Variants in SPAG9 observed in about 807,000 individuals in gnomAD.
SPAG9 encodes the protein sperm associated antigen 9.
In SPAG9, 35 loss-of-function variants were observed where a neutral mutation model predicts 166.5. The ratio of observed to expected loss-of-function variants is 0.21; its 90% CI spans 0.16 to 0.28. The LOEUF (loss-of-function observed/expected upper bound fraction) is 0.28, where lower values mean the gene tolerates loss of function less well. Among genes scored for constraint, SPAG9 ranks in the 10% least tolerant of loss-of-function variants. The pLI is 1.00. For synonymous variants in SPAG9, 534 were observed against 565.5 expected, an observed-to-expected ratio of 0.94 and a Z score of 0.79; for missense variants, 1,235 against 1,603.3, an observed-to-expected ratio of 0.77 and a Z score of 3.92.
intron 3 of SPAG9, among the ~76,000 whole-genome samples, chr17:51,053,710 CGTGT>C (rs1160371819): frequency 2.0e-5 from 3 of 149,210 alleles, no homozygotes; most frequent in African/African-American, 7.4e-5. Context: ...TTGGCATGCA[CGTGT>C]GTGGTCCCAG....
intron 1 of SPAG9, among the ~76,000 whole-genome samples, chr17:51,081,191 C>CA (rs2048153238): frequency 1.3e-5 from 2 of 152,116 alleles, no homozygotes; most frequent in African/African-American, 4.8e-5. Flanking sequence ...TTCTTACTTC[C>CA]ACCCTAATCC....
rs752079944 is a variant in SPAG9, at chr17:50,996,595, A to G, written c.1938T>C (p.Phe646=). Residue 646 remains phenylalanine, a synonymous_variant, in exon 16 of 30, where the codon TTT becomes TTC. Transcript: ENST00000262013. ...TGTACTTCTGAGGCAGACTCCAGCCAAAAGCCTGCACTCTACCGTCTTCCT... is the reference window on the plus strand; with the variant it reads ...TGTACTTCTGAGGCAGACTCCAGCCGAAAGCCTGCACTCTACCGTCTTCCT... ...VQKEDGRVQA[F]GWSLPQKYKQ... The G allele has an allele frequency of 6.2e-7, 1 of 1,614,170 alleles. No homozygotes were observed.
intron 1 of SPAG9, among the ~76,000 whole-genome samples, chr17:51,106,930 C>T (rs1308155062): frequency 6.6e-6 from 1 of 151,562 alleles, no homozygotes; most frequent in Non-Finnish European, 1.5e-5. Context: ...GGTGAAACCC[C>T]GTCTCTACTA....
intron 27 of SPAG9, chr17:50,975,206 C>A: frequency 2.4e-5 from 8 of 339,488 alleles, no homozygotes; most frequent in Non-Finnish European, 3.7e-5. Flanking sequence ...CACATCTATT[C>A]ATTTAAAAAA....
chr17:50,995,555 G>A, intron 16 of SPAG9, 22 bp from the exon 17 acceptor site: 1 of 1,450,356 alleles, frequency 6.9e-7, no homozygotes, highest in South Asian at 1.1e-5. Context: ...GGAAGGAGGA[G>A]TGAAAAAGGC....
At chr17:51,045,144 C>A (rs1048231221) in intron 4 of SPAG9, among the ~76,000 whole-genome samples, 2 of 152,180 alleles carry the variant, frequency 1.3e-5, no homozygotes, top group African/African-American at 4.8e-5. Flanking sequence ...CCTACGGCCA[C>A]GTGCAATAGA....
chr17:51,053,866 T>A (rs1467920051), intron 3 of SPAG9, among the ~76,000 whole-genome samples: 18 of 77,148 alleles, frequency 2.3e-4, no homozygotes, highest in African/African-American at 7.8e-4. Flanking sequence ...TATATATATA[T>A]ATATATATAT....
chr17:51,107,408 T>C (rs2048983557), intron 1 of SPAG9, among the ~76,000 whole-genome samples: 1 of 151,390 alleles, frequency 6.6e-6, no homozygotes, highest in Non-Finnish European at 1.5e-5. Flanking sequence ...ATTAATTTAA[T>C]TAAAACTGCA....
At chr17:51,006,388 A>G in intron 10 of SPAG9, 151 bp from the exon 11 acceptor site, 1 of 698,874 alleles carries the variant, frequency 1.4e-6, no homozygotes, top group Admixed American at 3.1e-5. Flanking sequence ...GATAAATGCA[A>G]AAAGAACACA....
intron 2 of SPAG9, among the ~76,000 whole-genome samples, chr17:51,059,722 T>C (rs1037698148): frequency 2.0e-5 from 3 of 151,956 alleles, no homozygotes; most frequent in East Asian, 1.9e-4. Flanking sequence ...TGAGACAAGA[T>C]TGCGCCACTG....
At chr17:50,975,906 A>G (rs1974170778) in intron 27 of SPAG9, 1 of 1,535,206 alleles carries the variant, frequency 6.5e-7, no homozygotes, top group Admixed American at 2.0e-5. Flanking sequence ...TTACGGCTAA[A>G]GTGAGAAAGG....
At chr17:51,070,239 C>T (rs2047786750) in intron 2 of SPAG9, among the ~76,000 whole-genome samples, 1 of 152,086 alleles carries the variant, frequency 6.6e-6, no homozygotes, top group Admixed American at 6.5e-5. Flanking sequence ...TCCAAGGAGC[C>T]TGAGGGCAAC....
intron 12 of SPAG9, among the ~76,000 whole-genome samples, 187 bp from the exon 13 acceptor site, chr17:51,002,032 T>C (rs962673836): frequency 6.6e-6 from 1 of 152,200 alleles, no homozygotes; most frequent in African/African-American, 2.4e-5. Context: ...AATATATTTT[T>C]TGAGACAGGG....
chr17:51,099,519 A>T (rs932330241), intron 1 of SPAG9, among the ~76,000 whole-genome samples: 1 of 151,808 alleles, frequency 6.6e-6, no homozygotes, highest in Non-Finnish European at 1.5e-5. Flanking sequence ...GCATGCAAAA[A>T]GTTTCAGATT....
At chr17:50,994,214 T>A (rs1298074397) in intron 18 of SPAG9, among the ~76,000 whole-genome samples, 1 of 152,160 alleles carries the variant, frequency 6.6e-6, no homozygotes, top group Admixed American at 6.5e-5. Context: ...TGATAGTGAA[T>A]AAGTCTCACG....
In SPAG9 at chr17:50,984,963, G is replaced by A; in HGVS notation, c.3048C>T (p.Ala1016=). Residue 1016 remains alanine, a synonymous_variant, in exon 24 of 30, where the codon GCC becomes GCT. Coordinates refer to ENST00000262013, the MANE Select transcript of SPAG9 (RefSeq NM_001130528.3). The stretch of plus-strand genomic sequence containing the variant: ...AGATTGCAAGGGTGCCGTCAGCCAG[G>A]GCTACTAACACGATTCCCTTCACGT... The part of the protein sequence containing the change: ...IVHVKGIVLV[A]LADGTLAIFH... 6.2e-7 allele frequency: 1 copy of A among 1,614,120 alleles called. No individual in the cohort carries two copies. Among genetic ancestry groups the A allele is most frequent in the Non-Finnish European group, 8.5e-7 (1 of 1,180,014 alleles).
chr17:50,994,069 C>T, intron 18 of SPAG9, 134 bp from the exon 19 acceptor site: 1 of 863,464 alleles, frequency 1.2e-6, no homozygotes, highest in South Asian at 1.8e-5. Flanking sequence ...AAAATACAAC[C>T]ACTGATGTGG....
chr17:51,014,540 G>A, intron 8 of SPAG9, 187 bp from the exon 9 acceptor site: 1 of 486,928 alleles, frequency 2.1e-6, no homozygotes, highest in South Asian at 4.0e-5. Context: ...CATGGAAATA[G>A]CTGGTGAAGA....
intron 16 of SPAG9, 101 bp downstream of exon 16, chr17:50,996,464 T>A (rs746783611): frequency 1.5e-6 from 2 of 1,363,670 alleles, no homozygotes; most frequent in Non-Finnish European, 2.0e-6. Context: ...GCGGCTGAGA[T>A]GAGCAGGGCT....
Sources: gnomAD v4.1 joint callset for allele counts (sites outside exome capture counted in the v4.1 genomes callset) on GRCh38, gnomAD v4.1.1 for gene constraint, MANE v1.5 for transcripts, NCBI Gene and HGNC (gene_info 2026-07-23, HGNC 2026-07-21) for gene names.